The following BIRC6 variants were observed in gnomAD, a reference collection of about 807,000 sequenced individuals.
BIRC6 encodes baculoviral IAP repeat containing 6.
A neutral mutation model predicts 503.3 loss-of-function variants in BIRC6; 98 were observed. That is an observed-to-expected ratio of 0.19 (90% CI 0.17 to 0.23). The LOEUF is 0.23. Ranked by LOEUF, BIRC6 falls within the 10% of genes least tolerant of loss-of-function variation. BIRC6 has a pLI of 1.00. For synonymous variants in BIRC6, 2,240 were observed against 2,078.7 expected, an observed-to-expected ratio of 1.08 and a Z score of -2.11; for missense variants, 5,360 against 5,806.0, an observed-to-expected ratio of 0.92 and a Z score of 2.50.
At chr2:32,403,812 AGGAAAATG>A (rs974640861) in intron 8 of BIRC6, among the ~76,000 whole-genome samples, 2 of 152,230 alleles carry the variant, frequency 1.3e-5, no homozygotes, top group Non-Finnish European at 2.9e-5. Context: ...TGCTTATTGC[AGGAAAATG>A]GGAAAATGCA....
intron 9 of BIRC6, among the ~76,000 whole-genome samples, chr2:32,407,967 C>G (rs549105184): frequency 1.9e-4 from 29 of 151,068 alleles, no homozygotes; most frequent in African/African-American, 2.4e-4. Flanking sequence ...TTCTTTGTTT[C>G]TTTCTTTCTT....
intron 49 of BIRC6, among the ~76,000 whole-genome samples, 177 bp from the exon 50 acceptor site, chr2:32,504,828 T>G (rs1211112747): frequency 6.6e-6 from 1 of 152,172 alleles, no homozygotes; most frequent in Non-Finnish European, 1.5e-5. Flanking sequence ...TTGACAGGAT[T>G]TCCTCATGTT....
At chr2:32,586,585 A>G (rs1386021715) in intron 66 of BIRC6, among the ~76,000 whole-genome samples, 4 of 151,450 alleles carry the variant, frequency 2.6e-5, no homozygotes, top group Non-Finnish European at 4.4e-5. Context: ...CTCCCGGCGA[A>G]TTTTTGTGTT....
intron 64 of BIRC6, 74 bp downstream of exon 64, chr2:32,548,088 C>T: frequency 7.6e-7 from 1 of 1,309,312 alleles, no homozygotes; most frequent in South Asian, 1.8e-5. Flanking sequence ...ATATTGATAA[C>T]TAATCCAACT....
In BIRC6 at chr2:32,606,618, A is replaced by C. The variant is rs80194945; in HGVS notation, c.14071-837A>C. ...AAAGAAATAAATAAGAATTTCTAATAAGGTTTTTGTGATACTGTAGCAGTT... is the reference window on the plus strand; with the variant it reads ...AAAGAAATAAATAAGAATTTCTAATCAGGTTTTTGTGATACTGTAGCAGTT... On this transcript the variant is annotated intron_variant, in intron 71 of 73. Transcript: ENST00000421745. Among the ~76,000 whole-genome samples the C allele has an allele frequency of 3.5e-4, 54 of 152,148 alleles. 1 individual carries two copies. The East Asian group carries it at 0.01, about 28-fold the overall frequency.
In BIRC6 at chr2:32,594,077, A is replaced by G. The variant is rs777961152; in HGVS notation, c.13501+17A>G. 12 of 1,594,844 alleles carry G rather than the reference A, an allele frequency of 7.5e-6. No homozygotes were observed. Among genetic ancestry groups the G allele is most frequent in the South Asian group, 4.6e-5 (4 of 86,858 alleles). On this transcript the variant is annotated intron_variant, in intron 67 of 73. Transcript: ENST00000421745. Reference sequence around the variant, plus strand: ...CAAATCAGGGTACAAAACTTTTCCTATTATGCCACTTTTCATTTGATGTAA... The same window carrying G: ...CAAATCAGGGTACAAAACTTTTCCTGTTATGCCACTTTTCATTTGATGTAA...
At chr2:32,593,050 C>G (rs2061480604) in intron 66 of BIRC6, among the ~76,000 whole-genome samples, 1 of 152,096 alleles carries the variant, frequency 6.6e-6, no homozygotes, top group Non-Finnish European at 1.5e-5. Context: ...TTAGATCATA[C>G]CTTAGCATAA....
In BIRC6 at chr2:32,463,615, C is replaced by T. The variant is rs186206533; in HGVS notation, c.4941+234C>T. Reference sequence around the variant, plus strand: ...ATATGATTGATATTTTTTGTGCAATCTTGAAGTAAATCCATTCTCTACACA... The same window carrying T: ...ATATGATTGATATTTTTTGTGCAATTTTGAAGTAAATCCATTCTCTACACA... On this transcript the variant is annotated intron_variant, in intron 24 of 73. Coordinates refer to ENST00000421745, the MANE Select transcript of BIRC6 (RefSeq NM_016252.4). 3.0e-4 allele frequency among the ~76,000 whole-genome samples: 45 copies of T among 152,222 alleles called. 1 individual carries two copies. Among genetic ancestry groups the T allele is most frequent in the Admixed American group, 2.6e-3 (40 of 15,292 alleles).
chr2:32,617,792 C>A lies in BIRC6; in HGVS notation c.14462C>A (p.Thr4821Asn). ...LPCPEGLDPD[T>N]DDAPEVCRAT... ...TGCCCTGAAGGCTTGGATCCTGACA[C>A]TGACGATGCCCCAGAGGTGTGCAGA... Residue 4821 changes from threonine (T) to asparagine (N), a missense_variant, in exon 74 of 74, where the codon ACT becomes AAT. Coordinates refer to ENST00000421745, the MANE Select transcript of BIRC6 (RefSeq NM_016252.4). 6.2e-7 allele frequency: 1 copy of A among 1,614,024 alleles called. No homozygotes were observed. Among genetic ancestry groups the A allele is most frequent in the Non-Finnish European group, 8.5e-7 (1 of 1,179,902 alleles).
At chr2:32,421,330 C>T (rs1382888584) in intron 10 of BIRC6, among the ~76,000 whole-genome samples, 1 of 152,020 alleles carries the variant, frequency 6.6e-6, no homozygotes, top group Admixed American at 6.6e-5. Flanking sequence ...TGATACTGAT[C>T]TCTTGACCTC....
At chr2:32,509,074 A>G (rs1281491586) in intron 51 of BIRC6, among the ~76,000 whole-genome samples, 1 of 152,074 alleles carries the variant, frequency 6.6e-6, no homozygotes, top group Non-Finnish European at 1.5e-5. Flanking sequence ...TTTAAAAAAA[A>G]AAAAGAATTT....
intron 65 of BIRC6, chr2:32,565,245 A>G (rs1480772582): frequency 2.0e-5 from 3 of 152,220 alleles, no homozygotes; most frequent in Non-Finnish European, 4.4e-5. Context: ...CAAGTTCTTG[A>G]AAGTAGAAAC....
At chr2:32,467,166 A>G (rs2048641817) in intron 26 of BIRC6, among the ~76,000 whole-genome samples, 2 of 150,186 alleles carry the variant, frequency 1.3e-5, no homozygotes, top group Non-Finnish European at 3.0e-5. Flanking sequence ...CCCAGTGTGG[A>G]GTATAGTGGC....
At chr2:32,432,666 G>A (rs1215165440) in intron 12 of BIRC6, among the ~76,000 whole-genome samples, 2 of 151,618 alleles carry the variant, frequency 1.3e-5, no homozygotes, top group African/African-American at 4.9e-5. Context: ...AAACTGAGGT[G>A]GGAGAATCAC....
chr2:32,536,451 AAGTCTTTGATGCATCTT>A (rs2057241855), intron 61 of BIRC6, among the ~76,000 whole-genome samples: 1 of 152,180 alleles, frequency 6.6e-6, no homozygotes, highest in Non-Finnish European at 1.5e-5. Context: ...TCTAACATTT[AAGTCTTTGATGCATCTT>A]GAATTAATTT....
chr2:32,537,410 GTCTC>G (rs1297901883), intron 61 of BIRC6, among the ~76,000 whole-genome samples: 1 of 152,090 alleles, frequency 6.6e-6, no homozygotes, highest in Non-Finnish European at 1.5e-5. Context: ...ATAACAAACT[GTCTC>G]TCAGACCACA....
intron 51 of BIRC6, among the ~76,000 whole-genome samples, chr2:32,509,399 C>T (rs950036816): frequency 2.0e-5 from 3 of 151,992 alleles, no homozygotes; most frequent in African/African-American, 4.8e-5. Context: ...GGATTACAGG[C>T]GCCCACCACC....
At chr2:32,450,436 C>T (rs887298345) in intron 22 of BIRC6, among the ~76,000 whole-genome samples, 10 of 151,566 alleles carry the variant, frequency 6.6e-5, no homozygotes, top group South Asian at 4.2e-4. Context: ...CACTCCAGCC[C>T]GGGCGAAAGA....
At chr2:32,440,785 C>T (rs2045346963) in intron 16 of BIRC6, among the ~76,000 whole-genome samples, 1 of 132,108 alleles carries the variant, frequency 7.6e-6, no homozygotes. Context: ...ATTATTGAGT[C>T]AGAGTCTTGC....
Sources: allele counts gnomAD v4.1 joint callset (sites outside exome capture counted in the v4.1 genomes callset), GRCh38; gene constraint gnomAD v4.1.1; transcripts MANE v1.5; gene names NCBI Gene and HGNC (gene_info 2026-07-23, HGNC 2026-07-21).